IQSEC3: variants seen among roughly 807,000 people sequenced by gnomAD.
IQSEC3 encodes the protein IQ motif and Sec7 domain ArfGEF 3.
Under a neutral mutation model 105.4 loss-of-function variants are expected in IQSEC3, and 50 were observed. That is an observed-to-expected ratio of 0.47 (90% CI 0.38 to 0.60). The LOEUF (loss-of-function observed/expected upper bound fraction) is 0.60. Ranked by LOEUF, IQSEC3 falls within the 20% of genes least tolerant of loss-of-function variation. The probability of loss-of-function intolerance (pLI) is 0.00; values close to 1 mark genes in which losing one functional copy is unlikely to be tolerated. For missense variants in IQSEC3, 1,415 were observed against 1,630.0 expected (o/e 0.87, Z 2.27); for synonymous variants, 708 against 746.0 (o/e 0.95, Z 0.83).
At chr12:127,951 C>T (rs1865470529) in intron 3 of IQSEC3, among the ~76,000 whole-genome samples, 1 of 152,194 alleles carries the variant, frequency 6.6e-6, no homozygotes, top group Non-Finnish European at 1.5e-5. Context: ...GAACTCGACT[C>T]CTCTCTCTTC....
chr12:173,908 G>A (rs1939137533), intron 13 of IQSEC3, among the ~76,000 whole-genome samples: 1 of 152,184 alleles, frequency 6.6e-6, no homozygotes, highest in Non-Finnish European at 1.5e-5. Flanking sequence ...GGGGATCAAG[G>A]TTAGAGCCCT....
chr12:120,692 T>A (rs1377752827), intron 2 of IQSEC3, among the ~76,000 whole-genome samples: 1 of 152,208 alleles, frequency 6.6e-6, no homozygotes, highest in African/African-American at 2.4e-5. Flanking sequence ...GTGATATTCC[T>A]CTGAGAATGA....
chr12:106,992 C>T (rs1555078069), intron 2 of IQSEC3: 1 of 152,126 alleles, frequency 6.6e-6, no homozygotes, highest in East Asian at 1.9e-4. Context: ...TTTTACTGCC[C>T]TCAAGAGACC....
intron 2 of IQSEC3, among the ~76,000 whole-genome samples, chr12:102,829 A>T (rs888418151): frequency 2.6e-5 from 4 of 152,194 alleles, no homozygotes; most frequent in African/African-American, 9.6e-5. Flanking sequence ...GATCTGGAGT[A>T]CAGTGGAGCA....
intron 2 of IQSEC3, among the ~76,000 whole-genome samples, chr12:118,446 T>C (rs966223729): frequency 6.6e-6 from 1 of 151,074 alleles, no homozygotes; most frequent in Admixed American, 6.6e-5. Flanking sequence ...TGACGCATGT[T>C]GTTAGCTTTT....
intron 9 of IQSEC3, among the ~76,000 whole-genome samples, chr12:164,020 G>A (rs1867050917): frequency 6.6e-6 from 1 of 152,314 alleles, no homozygotes; most frequent in African/African-American, 2.4e-5. Flanking sequence ...CCTAGGCGAG[G>A]CTGGTGTGTG....
chr12:86,789 C>T (rs1388393308), intron 1 of IQSEC3, among the ~76,000 whole-genome samples: 1 of 152,000 alleles, frequency 6.6e-6, no homozygotes, highest in East Asian at 1.9e-4. Flanking sequence ...CTTGTATGAC[C>T]TCCCTTTTAC....
intron 2 of IQSEC3, among the ~76,000 whole-genome samples, chr12:117,121 G>A (rs1450422932): frequency 6.6e-5 from 10 of 152,160 alleles, no homozygotes; most frequent in Non-Finnish European, 5.9e-5. Flanking sequence ...GCAGGATGAA[G>A]AGGCCGTGGT....
In IQSEC3 at chr12:139,159, G is replaced by A; in HGVS notation, c.1796G>A (p.Ser599Asn). The change falls in exon 4 of 14, where the codon AGC becomes AAC. Residue 599 changes from serine to asparagine, a missense_variant. Coordinates refer to ENST00000538872, the MANE Select transcript of IQSEC3 (RefSeq NM_001170738.2). ...GCAGGCGACTTGGAGCAGCTGAGCA[G>A]CAGCAGCACGTCCACCAAGTCCGCC... The part of the protein sequence containing the change: ...AEAGDLEQLS[S>N]SSTSTKSAKS... 6.4e-7 allele frequency: 1 copy of A among 1,561,852 alleles called. No homozygotes were observed.
At chr12:97,197 C>T (rs935056958) in intron 1 of IQSEC3, among the ~76,000 whole-genome samples, 3 of 152,162 alleles carry the variant, frequency 2.0e-5, no homozygotes, top group Admixed American at 2.0e-4. Flanking sequence ...GCTGTTTTTT[C>T]TGCTGGGTTT....
At chr12:96,298 G>A (rs1272838037) in intron 1 of IQSEC3, among the ~76,000 whole-genome samples, 1 of 152,150 alleles carries the variant, frequency 6.6e-6, no homozygotes, top group African/African-American at 2.4e-5. Context: ...AAAATGAGAC[G>A]GTGTAAAGAC....
At chr12:147,518 T>C (rs1866326073) in intron 5 of IQSEC3, among the ~76,000 whole-genome samples, 1 of 152,150 alleles carries the variant, frequency 6.6e-6, no homozygotes, top group African/African-American at 2.4e-5. Context: ...ACCTGAGCCC[T>C]TAACCCTGCA....
At chr12:129,085 G>T (rs975575546) in intron 3 of IQSEC3, among the ~76,000 whole-genome samples, 4 of 152,180 alleles carry the variant, frequency 2.6e-5, no homozygotes, top group Non-Finnish European at 5.9e-5. Flanking sequence ...CATACTTCAG[G>T]TCGCAGCCGA....
chr12:162,986 C>G (rs1866966454), intron 8 of IQSEC3, among the ~76,000 whole-genome samples: 7 of 152,212 alleles, frequency 4.6e-5, no homozygotes, highest in Admixed American at 4.6e-4. Flanking sequence ...CCCTCATTTA[C>G]TGTGGCTCAG....
chr12:103,903 G>A (rs1591656610), intron 2 of IQSEC3, among the ~76,000 whole-genome samples: 1 of 142,050 alleles, frequency 7.0e-6, no homozygotes, highest in Non-Finnish European at 1.6e-5. Context: ...GGGAGGCGGG[G>A]CTCAGGAGGG....
chr12:74,417 G>A (rs1284942187), intron 1 of IQSEC3, among the ~76,000 whole-genome samples: 24 of 152,380 alleles, frequency 1.6e-4, no homozygotes, highest in Admixed American at 1.6e-3. Flanking sequence ...CTCCCAGGGT[G>A]TTTGTGACTG....
At position 98,861 on chromosome 12, in the gene IQSEC3, C is replaced by T. The variant is rs558295491; in HGVS notation, c.555-285C>T. On this transcript the variant is annotated intron_variant, in intron 1 of 13. Transcript: ENST00000538872. ...GCGAAAGAGCCTGCTGCGGGGAGGG[C>T]GTGCAGAAGTAGGAAGGGTGAGTTC... Among the ~76,000 whole-genome samples, 94 of 152,242 alleles carry T rather than the reference C, an allele frequency of 6.2e-4. No homozygotes were observed. In the South Asian group the frequency reaches 6.4e-3, roughly 10 times the overall value.
chr12:126,729 CA>C lies in IQSEC3; in HGVS notation c.903+824del, dbSNP rs113426530. On this transcript the variant is annotated intron_variant, in intron 3 of 13. Coordinates refer to ENST00000538872, the MANE Select transcript of IQSEC3 (RefSeq NM_001170738.2). ...CTCTGGGCATTCGTTTCCTCATCTGCAAAAAAATGAGAATTAACTTTGAATC... is the reference window on the plus strand; with the variant it reads ...CTCTGGGCATTCGTTTCCTCATCTGCAAAAAATGAGAATTAACTTTGAATC... 4.6e-3 allele frequency among the ~76,000 whole-genome samples: 707 copies of C among 152,172 alleles called. 4 individuals are homozygous for C. Among genetic ancestry groups the C allele is most frequent in the African/African-American group, 0.016 (658 of 41,514 alleles).
chr12:122,162 C>A (rs532967937), intron 2 of IQSEC3, among the ~76,000 whole-genome samples: 1 of 152,186 alleles, frequency 6.6e-6, no homozygotes, highest in African/African-American at 2.4e-5. Flanking sequence ...CTCAGGTCCC[C>A]GAGCACGGAG....
Sources: gnomAD v4.1 joint callset for allele counts (sites outside exome capture counted in the v4.1 genomes callset) on GRCh38, gnomAD v4.1.1 for gene constraint, MANE v1.5 for transcripts, NCBI Gene and HGNC (gene_info 2026-07-23, HGNC 2026-07-21) for gene names.